The following PTPRD variants were observed in gnomAD, a reference collection of about 807,000 sequenced individuals.
PTPRD encodes the protein receptor-type tyrosine-protein phosphatase delta.
In PTPRD, 34 loss-of-function variants were observed where a neutral mutation model predicts 214.5. The observed-to-expected ratio is 0.16, with a 90% CI of 0.12 to 0.21. The LOEUF (loss-of-function observed/expected upper bound fraction) is 0.21, where lower values mean the gene tolerates loss of function less well. PTPRD is among the 10% of genes least tolerant of loss of function. The probability of loss-of-function intolerance (pLI) is 1.00; values close to 1 mark genes in which losing one functional copy is unlikely to be tolerated. For synonymous variants in PTPRD, 1,128 were observed against 845.7 expected (o/e 1.33, Z -5.79); for missense variants, 2,545 against 2,398.7 (o/e 1.06, Z -1.27).
At chr9:9,944,839 C>T (rs2092312550) in intron 4 of PTPRD, among the ~76,000 whole-genome samples, 2 of 151,808 alleles carry the variant, frequency 1.3e-5, no homozygotes, top group Non-Finnish European at 2.9e-5. Context: ...AAATGGAAAG[C>T]CAGTGGGGTA....
At chr9:9,840,803 A>T (rs1332979226) in intron 5 of PTPRD, among the ~76,000 whole-genome samples, 1 of 142,134 alleles carries the variant, frequency 7.0e-6, no homozygotes, top group African/African-American at 2.6e-5. Flanking sequence ...AAAAAAACAG[A>T]AAGGGGAAGG....
intron 26 of PTPRD, among the ~76,000 whole-genome samples, chr9:8,495,882 G>A (rs1295194468): frequency 6.6e-6 from 1 of 152,120 alleles, no homozygotes; most frequent in Non-Finnish European, 1.5e-5. Context: ...ATACCGTCTT[G>A]CCAGCCTTTA....
At chr9:9,124,207 C>T (rs2099820292) in intron 10 of PTPRD, among the ~76,000 whole-genome samples, 1 of 152,068 alleles carries the variant, frequency 6.6e-6, no homozygotes, top group Non-Finnish European at 1.5e-5. Flanking sequence ...TTTGATGCAA[C>T]AGTAGACATT....
chr9:9,876,773 G>A (rs1182630447), intron 5 of PTPRD, among the ~76,000 whole-genome samples: 1 of 151,990 alleles, frequency 6.6e-6, no homozygotes, highest in Non-Finnish European at 1.5e-5. Context: ...ATGTTATTGT[G>A]GTGACACAAA....
At chr9:9,767,029 T>C (rs1444750089) in intron 5 of PTPRD, among the ~76,000 whole-genome samples, 178 bp from the exon 6 acceptor site, 2 of 151,590 alleles carry the variant, frequency 1.3e-5, no homozygotes, top group African/African-American at 4.8e-5. Flanking sequence ...TAAAGCACAT[T>C]AAGACAAAAA....
intron 11 of PTPRD, among the ~76,000 whole-genome samples, chr9:8,836,244 A>T (rs1335934470): frequency 6.6e-6 from 1 of 152,156 alleles, no homozygotes; most frequent in Non-Finnish European, 1.5e-5. Context: ...ATACTGCTCA[A>T]AATGTAAAAT....
chr9:9,665,194 C>T (rs983274630), intron 7 of PTPRD, among the ~76,000 whole-genome samples: 1 of 151,502 alleles, frequency 6.6e-6, no homozygotes, highest in Non-Finnish European at 1.5e-5. Context: ...TGACTCAGAA[C>T]GGCAAAGAGC....
chr9:8,562,571 G>A (rs554905654), intron 14 of PTPRD, among the ~76,000 whole-genome samples: 1 of 152,068 alleles, frequency 6.6e-6, no homozygotes, highest in African/African-American at 2.4e-5. Flanking sequence ...CAAGTAGGTG[G>A]GACTACAGAC....
Position 10,060,827 on chromosome 9 carries a change from T to TCTTTCTTCCTTC in PTPRD, c.-544-27038_-544-27037insGAAGGAAGAAAG, listed in dbSNP as rs1217470478. 8.6e-3 allele frequency among the ~76,000 whole-genome samples: 1,033 copies of TCTTTCTTCCTTC among 119,782 alleles called. 39 individuals carry two copies. Among genetic ancestry groups the TCTTTCTTCCTTC allele is most frequent in the Admixed American group, 0.027 (353 of 13,054 alleles). The allele number at this position is 119,782 out of a possible 152,430, so 78.6% of individuals were successfully genotyped here. A position where few individuals can be genotyped will look rare whatever the true frequency, so the allele number is the denominator to read the frequency against. On this transcript the variant is annotated intron_variant, in intron 3 of 45. Transcript: ENST00000381196. ...TCCTTTCTTTCTTTCTTTCTTTCTT[T>TCTTTCTTCCTTC]CTTCCTTCCTTCCTTCCTTTCCTTT...
Position 8,454,190 on chromosome 9 carries a change from G to A in PTPRD, c.3876-4353C>T, listed in dbSNP as rs139454382. Reference sequence around the variant, plus strand: ...AAATGCTAATATCATTAGGTGATCTGTACTCAAACTTGAAAACTAATCTTT... The same window carrying A: ...AAATGCTAATATCATTAGGTGATCTATACTCAAACTTGAAAACTAATCTTT... On this transcript the variant is annotated intron_variant, in intron 33 of 45. Transcript: ENST00000381196. Among the ~76,000 whole-genome samples the A allele has an allele frequency of 4.6e-4, 70 of 152,228 alleles. 1 individual carries two copies. The East Asian group carries it at 0.013, about 29-fold the overall frequency.
chr9:8,715,896 C>G (rs1232274889), intron 12 of PTPRD, among the ~76,000 whole-genome samples: 1 of 152,222 alleles, frequency 6.6e-6, no homozygotes, highest in African/African-American at 2.4e-5. Context: ...AAATAGTACA[C>G]AGACATTACA....
chr9:9,294,884 T>C (rs568487115), intron 9 of PTPRD, among the ~76,000 whole-genome samples: 8 of 151,858 alleles, frequency 5.3e-5, no homozygotes, highest in Admixed American at 2.0e-4. Flanking sequence ...TAAAATAAGG[T>C]GGTCATGAAT....
chr9:10,418,831 A>G (rs1469934136), intron 2 of PTPRD, among the ~76,000 whole-genome samples: 1 of 151,930 alleles, frequency 6.6e-6, no homozygotes, highest in African/African-American at 2.4e-5. Context: ...TAAACAGCAG[A>G]GGGACAGAAT....
chr9:8,944,783 A>T (rs1396931240), intron 11 of PTPRD, among the ~76,000 whole-genome samples: 12 of 151,742 alleles, frequency 7.9e-5, no homozygotes, highest in Admixed American at 5.9e-4. Context: ...AGGATGATTA[A>T]TGGGTACAAA....
In PTPRD at chr9:8,663,341, T is replaced by C. The variant is rs1191688820; in HGVS notation, c.65-26497A>G. On this transcript the variant is annotated intron_variant, in intron 12 of 45. Coordinates refer to ENST00000381196, the MANE Select transcript of PTPRD (RefSeq NM_002839.4). ...AAAAGACTCACAAGGAAAAAGCTAC[T>C]ATTAAGAAAATTAAAATTTTGGTTA... Among the ~76,000 whole-genome samples, 6 of 151,546 alleles carry C rather than the reference T, an allele frequency of 4.0e-5. No homozygotes were observed. In the South Asian group the frequency reaches 8.3e-4, roughly 21 times the overall value.
At chr9:9,581,538 C>A (rs2090768220) in intron 7 of PTPRD, among the ~76,000 whole-genome samples, 1 of 152,088 alleles carries the variant, frequency 6.6e-6, no homozygotes. Context: ...AAAATGTAGA[C>A]TGTTTCAGTA....
chr9:8,552,995 T>C (rs976727511), intron 14 of PTPRD, among the ~76,000 whole-genome samples: 1 of 152,168 alleles, frequency 6.6e-6, no homozygotes, highest in African/African-American at 2.4e-5. Flanking sequence ...CCCTGCCACA[T>C]GACCACAGAC....
chr9:8,532,139 C>A (rs1295239494), intron 14 of PTPRD, among the ~76,000 whole-genome samples: 1 of 151,966 alleles, frequency 6.6e-6, no homozygotes, highest in Non-Finnish European at 1.5e-5. Flanking sequence ...GCACTTTCTT[C>A]GTTAAATTTT....
At chr9:9,535,490 G>C (rs1049051378) in intron 8 of PTPRD, among the ~76,000 whole-genome samples, 2 of 152,080 alleles carry the variant, frequency 1.3e-5, no homozygotes, top group Non-Finnish European at 2.9e-5. Flanking sequence ...GCTCAGAACA[G>C]CACTGCTGTG....
Sources: gnomAD v4.1 joint callset for allele counts (sites outside exome capture counted in the v4.1 genomes callset) on GRCh38, gnomAD v4.1.1 for gene constraint, MANE v1.5 for transcripts, NCBI Gene and HGNC (gene_info 2026-07-23, HGNC 2026-07-21) for gene names.